Variants in COL23A1 observed in about 807,000 individuals in gnomAD.
COL23A1 encodes the protein collagen alpha-1(XXIII) chain.
In COL23A1, 97 loss-of-function variants were observed where a neutral mutation model predicts 99.3. That is an observed-to-expected ratio of 0.98 (90% CI 0.83 to 1.16). COL23A1 has a LOEUF of 1.16. Ranked by LOEUF, COL23A1 falls within the 50% of genes most tolerant of loss-of-function variation. The pLI is 0.00. For missense variants in COL23A1, 762 were observed against 757.4 expected, an observed-to-expected ratio of 1.01 and a Z score of -0.07; for synonymous variants, 320 against 308.2, an observed-to-expected ratio of 1.04 and a Z score of -0.40.
chr5:178,471,464 C>G (rs998811353), intron 2 of COL23A1, among the ~76,000 whole-genome samples: 3 of 152,112 alleles, frequency 2.0e-5, no homozygotes, highest in Non-Finnish European at 4.4e-5. Flanking sequence ...GTCTTGAACT[C>G]CTGACCTCAG....
At chr5:178,568,991 G>A (rs1762962656) in intron 1 of COL23A1, among the ~76,000 whole-genome samples, 1 of 152,100 alleles carries the variant, frequency 6.6e-6, no homozygotes, top group South Asian at 2.1e-4. Flanking sequence ...ATTTTTTGAG[G>A]ATCCCACCAA....
At chr5:178,578,172 C>T (rs1370743260) in intron 1 of COL23A1, among the ~76,000 whole-genome samples, 2 of 152,020 alleles carry the variant, frequency 1.3e-5, no homozygotes, top group African/African-American at 4.8e-5. Flanking sequence ...TACTTACGTG[C>T]ATATGCATAC....
intron 12 of COL23A1, 85 bp downstream of exon 12, chr5:178,259,631 ATCCCC>A: frequency 4.1e-5 from 25 of 607,908 alleles, no homozygotes; most frequent in Non-Finnish European, 5.3e-5. Flanking sequence ...TCCCGTCCCC[ATCCCC>A]ATCCCCATTC....
intron 2 of COL23A1, among the ~76,000 whole-genome samples, chr5:178,537,625 C>T (rs1425389723): frequency 6.6e-6 from 1 of 152,222 alleles, no homozygotes; most frequent in Non-Finnish European, 1.5e-5. Context: ...GTAAAATGGA[C>T]ACCACGGTCT....
At chr5:178,533,318 C>G (rs1760752992) in intron 2 of COL23A1, among the ~76,000 whole-genome samples, 1 of 152,184 alleles carries the variant, frequency 6.6e-6, no homozygotes, top group African/African-American at 2.4e-5. Context: ...TTTTCATCAT[C>G]CACACGGAAA....
intron 2 of COL23A1, among the ~76,000 whole-genome samples, chr5:178,416,620 G>A (rs1765326516): frequency 6.6e-6 from 1 of 152,216 alleles, no homozygotes; most frequent in Non-Finnish European, 1.5e-5. Flanking sequence ...TGTGCTGAGT[G>A]CTTTGTGAAC....
At chr5:178,499,386 C>T (rs750914522) in intron 2 of COL23A1, among the ~76,000 whole-genome samples, 2 of 152,308 alleles carry the variant, frequency 1.3e-5, no homozygotes, top group Non-Finnish European at 2.9e-5. Context: ...ACATCAGCAG[C>T]GATGTCACGC....
chr5:178,463,814 G>A lies in COL23A1; in HGVS notation c.361+96868C>T, dbSNP rs147637909. The stretch of plus-strand genomic sequence containing the variant: ...AACATCTGGTCCTCCCTTTGTGGCT[G>A]CGGACACTGTGCAGGTATGAGCCCT... On this transcript the variant is annotated intron_variant, in intron 2 of 28. Transcript: ENST00000390654. Among the ~76,000 whole-genome samples the A allele has an allele frequency of 9.8e-5, 15 of 152,318 alleles. No homozygotes were observed. The East Asian group carries it at 2.9e-3, about 29-fold the overall frequency.
At position 178,449,736 on chromosome 5, in the gene COL23A1, T is replaced by C. The variant is rs546234800; in HGVS notation, c.361+110946A>G. ...GGCCCGAGACACAGCAGAGCTTTTGTTGTCTGGTCTCGTATGTTTCTGAGA... is the reference window on the plus strand; with the variant it reads ...GGCCCGAGACACAGCAGAGCTTTTGCTGTCTGGTCTCGTATGTTTCTGAGA... On this transcript the variant is annotated intron_variant, in intron 2 of 28. Coordinates refer to ENST00000390654, the MANE Select transcript of COL23A1 (RefSeq NM_173465.4). 6.6e-5 allele frequency among the ~76,000 whole-genome samples: 10 copies of C among 152,088 alleles called. No homozygotes were observed. In the East Asian group the frequency reaches 1.9e-3, roughly 29 times the overall value.
chr5:178,454,546 C>A (rs551161300), intron 2 of COL23A1, among the ~76,000 whole-genome samples: 1 of 152,312 alleles, frequency 6.6e-6, no homozygotes, highest in African/African-American at 2.4e-5. Context: ...CATTTAACAT[C>A]TGTGGGCCTC....
intron 2 of COL23A1, among the ~76,000 whole-genome samples, chr5:178,319,334 C>G (rs151197999): frequency 4.6e-4 from 70 of 152,320 alleles, no homozygotes; most frequent in African/African-American, 1.6e-3. Flanking sequence ...TAATCACTGA[C>G]ACATGTACTC....
intron 2 of COL23A1, among the ~76,000 whole-genome samples, chr5:178,404,574 C>T (rs902015618): frequency 1.6e-5 from 1 of 61,520 alleles, no homozygotes; most frequent in Non-Finnish European, 2.3e-5. Context: ...GTGAACCTGG[C>T]CCAGCCCCTC....
intron 3 of COL23A1, among the ~76,000 whole-genome samples, chr5:178,305,316 A>C (rs200670030): frequency 6.6e-6 from 1 of 151,888 alleles, no homozygotes; most frequent in African/African-American, 2.4e-5. Context: ...GACACTGCAA[A>C]CCAGTGGAAC....
intron 25 of COL23A1, among the ~76,000 whole-genome samples, chr5:178,245,234 TCCAC>T (rs200276985): frequency 8.8e-5 from 11 of 124,490 alleles, no homozygotes; most frequent in African/African-American, 2.6e-4. Flanking sequence ...CATCCATCCA[TCCAC>T]CCACCCATCC....
At chr5:178,518,432 G>C (rs1562046217) in intron 2 of COL23A1, among the ~76,000 whole-genome samples, 1 of 145,502 alleles carries the variant, frequency 6.9e-6, no homozygotes, top group Non-Finnish European at 1.5e-5. Flanking sequence ...AGACGGGGTG[G>C]TGGCCGGGCA....
At chr5:178,339,922 T>C (rs577536013) in intron 2 of COL23A1, among the ~76,000 whole-genome samples, 12 of 152,314 alleles carry the variant, frequency 7.9e-5, no homozygotes, top group South Asian at 4.1e-4. Flanking sequence ...GTACAATTTT[T>C]GCCTTATGCA....
At chr5:178,338,472 G>A (rs1306181488) in intron 2 of COL23A1, among the ~76,000 whole-genome samples, 2 of 152,060 alleles carry the variant, frequency 1.3e-5, no homozygotes, top group Admixed American at 6.5e-5. Context: ...CTGGGGCGCC[G>A]CTGCCGTCAT....
At chr5:178,353,071 C>T (rs1761418913) in intron 2 of COL23A1, among the ~76,000 whole-genome samples, 1 of 152,164 alleles carries the variant, frequency 6.6e-6, no homozygotes, top group Non-Finnish European at 1.5e-5. Context: ...AGATATACTT[C>T]CACATATGCA....
rs192380557 is a variant in COL23A1, at chr5:178,268,616, G to A, written c.495+114C>T. On this transcript the variant is annotated intron_variant, in intron 7 of 28. Transcript: ENST00000390654. ...CCACTCTACAGATGGGGAAACTGAG[G>A]CTCTAGGAGGGGCTGTGATGTGCTC... The A allele has an allele frequency of 6.1e-5, 60 of 981,608 alleles. 2 individuals are homozygous for A. Among genetic ancestry groups the A allele is most frequent in the African/African-American group, 6.1e-4 (37 of 60,922 alleles). 60.8% of individuals were successfully genotyped at this position (981,608 alleles called of 1,614,324 possible). A position where few individuals can be genotyped will look rare whatever the true frequency, so the allele number is the denominator to read the frequency against.
Sources: allele counts gnomAD v4.1 joint callset (sites outside exome capture counted in the v4.1 genomes callset), GRCh38; gene constraint gnomAD v4.1.1; transcripts MANE v1.5; gene names NCBI Gene and HGNC (gene_info 2026-07-23, HGNC 2026-07-21).